The following ARHGAP42 variants were observed in gnomAD, a reference collection of about 807,000 sequenced individuals.
ARHGAP42 encodes rho GTPase-activating protein 42.
Under a neutral mutation model 125.0 loss-of-function variants are expected in ARHGAP42, and 63 were observed. That is an observed-to-expected ratio of 0.50 (90% CI 0.41 to 0.62). The LOEUF is 0.62. Among genes scored for constraint, ARHGAP42 ranks in the 20% least tolerant of loss-of-function variants. The probability of loss-of-function intolerance (pLI) is 0.00; values close to 1 mark genes in which losing one functional copy is unlikely to be tolerated. For missense variants in ARHGAP42, 766 were observed against 1,024.2 expected, an observed-to-expected ratio of 0.75 and a Z score of 3.44; for synonymous variants, 339 against 351.0, an observed-to-expected ratio of 0.97 and a Z score of 0.38.
chr11:100,982,354 T>A (rs1205378775), intron 22 of ARHGAP42, among the ~76,000 whole-genome samples: 1 of 152,172 alleles, frequency 6.6e-6, no homozygotes, highest in African/African-American at 2.4e-5. Context: ...GCCATAGACC[T>A]TATAAACCAC....
chr11:100,971,170 AT>A (rs1195429987), intron 17 of ARHGAP42, among the ~76,000 whole-genome samples: 1 of 151,978 alleles, frequency 6.6e-6, no homozygotes, highest in Non-Finnish European at 1.5e-5. Context: ...TTGAACAAAT[AT>A]TTCTTTATTC....
At chr11:100,958,706 A>G (rs1191967004) in intron 12 of ARHGAP42, among the ~76,000 whole-genome samples, 3 of 151,806 alleles carry the variant, frequency 2.0e-5, no homozygotes, top group Admixed American at 6.6e-5. Flanking sequence ...CATACCCTCA[A>G]ATTTTTACAT....
At chr11:100,863,783 C>T (rs1170754764) in intron 4 of ARHGAP42, among the ~76,000 whole-genome samples, 1 of 152,146 alleles carries the variant, frequency 6.6e-6, no homozygotes, top group Non-Finnish European at 1.5e-5. Flanking sequence ...AGACATATTA[C>T]ATGTGTCAGA....
At chr11:100,848,424 A>G (rs771879561) in intron 3 of ARHGAP42, among the ~76,000 whole-genome samples, 1 of 152,010 alleles carries the variant, frequency 6.6e-6, no homozygotes, top group Non-Finnish European at 1.5e-5. Context: ...CATGGAGATA[A>G]GGAGAGTTTT....
At chr11:100,779,466 A>AT (rs1565210474) in intron 2 of ARHGAP42, among the ~76,000 whole-genome samples, 12 of 58,250 alleles carry the variant, frequency 2.1e-4, no homozygotes, top group South Asian at 1.5e-3. Context: ...AAAAAAAAAA[A>AT]AATATATATA....
Position 100,993,013 on chromosome 11 carries a change from T to G in ARHGAP42, c.*4212T>G, listed in dbSNP as rs1325184259. The G allele has an allele frequency of 1.5e-5, 4 of 269,418 alleles. No individual in the cohort carries two copies. Among genetic ancestry groups the G allele is most frequent in the African/African-American group, 4.5e-5 (2 of 44,620 alleles). 16.7% of individuals were successfully genotyped at this position (269,418 alleles called of 1,614,324 possible). On this transcript the variant is annotated 3_prime_UTR_variant, in exon 24 of 24. Coordinates refer to ENST00000298815, the MANE Select transcript of ARHGAP42 (RefSeq NM_152432.4). The stretch of plus-strand genomic sequence containing the variant: ...AAGAGTCCCAAAAACCAGAGACCAT[T>G]TTCATTTACTGCCATCATAAATATT...
chr11:100,766,408 T>C (rs652516), intron 1 of ARHGAP42, among the ~76,000 whole-genome samples: 2,063 of 152,298 alleles, frequency 0.014, 38 homozygotes, highest in African/African-American at 0.044. Flanking sequence ...TAGTATGATA[T>C]TTTAACACTC....
intron 12 of ARHGAP42, among the ~76,000 whole-genome samples, chr11:100,951,584 T>G (rs7939782): frequency 6.6e-6 from 1 of 151,914 alleles, no homozygotes; most frequent in Non-Finnish European, 1.5e-5. Flanking sequence ...TGAGTAGGGC[T>G]TCTGAATGGT....
chr11:100,854,085 A>G (rs1454174418), intron 3 of ARHGAP42, among the ~76,000 whole-genome samples: 1 of 152,150 alleles, frequency 6.6e-6, no homozygotes, highest in Non-Finnish European at 1.5e-5. Context: ...TATATAGAAA[A>G]GAAAACTTAG....
intron 4 of ARHGAP42, among the ~76,000 whole-genome samples, chr11:100,870,562 T>A (rs576063305): frequency 3.3e-5 from 5 of 152,246 alleles, no homozygotes; most frequent in Non-Finnish European, 7.3e-5. Flanking sequence ...GGGTTTCCAG[T>A]AGTCCTTGAA....
intron 1 of ARHGAP42, among the ~76,000 whole-genome samples, chr11:100,704,680 G>A (rs1239844378): frequency 6.6e-6 from 1 of 151,842 alleles, no homozygotes; most frequent in African/African-American, 2.4e-5. Flanking sequence ...GTCAGGTATG[G>A]TGGCTCGGTG....
At chr11:100,922,164 A>C (rs1459146486) in intron 6 of ARHGAP42, among the ~76,000 whole-genome samples, 1 of 152,216 alleles carries the variant, frequency 6.6e-6, no homozygotes. Context: ...ACAGTGACCC[A>C]TTTAGCAAAT....
At chr11:100,986,072 A>G in intron 22 of ARHGAP42, 3 of 456,696 alleles carry the variant, frequency 6.6e-6, no homozygotes, top group South Asian at 3.1e-5. Flanking sequence ...TCATTCATTT[A>G]GCTAACATTT....
intron 2 of ARHGAP42, among the ~76,000 whole-genome samples, chr11:100,776,675 A>G (rs1863133144): frequency 6.6e-6 from 1 of 152,144 alleles, no homozygotes; most frequent in African/African-American, 2.4e-5. Flanking sequence ...CAACAAGGAT[A>G]GTGCCTAATA....
intron 8 of ARHGAP42, 72 bp downstream of exon 8, chr11:100,936,404 G>A (rs1867739959): frequency 2.0e-6 from 3 of 1,517,150 alleles, no homozygotes. Context: ...TTGGTTAGTA[G>A]TATTTCCTTC....
chr11:100,691,877 G>T (rs1861197294), intron 1 of ARHGAP42, among the ~76,000 whole-genome samples: 2 of 151,966 alleles, frequency 1.3e-5, no homozygotes, highest in South Asian at 4.1e-4. Flanking sequence ...AGTTTATGGG[G>T]TAATGATCAT....
intron 8 of ARHGAP42, 23 bp from the exon 9 acceptor site, chr11:100,941,761 A>AT: frequency 7.0e-7 from 1 of 1,422,460 alleles, no homozygotes; most frequent in Non-Finnish European, 9.4e-7. Context: ...AAAATCTGAA[A>AT]TTTTTTTGTT....
At chr11:100,959,798 C>A (rs1857907351) in intron 12 of ARHGAP42, 85 bp from the exon 13 acceptor site, 1 of 1,271,376 alleles carries the variant, frequency 7.9e-7, no homozygotes, top group South Asian at 1.3e-5. Flanking sequence ...ACTGTTGAGT[C>A]ATAAAGGCCC....
intron 4 of ARHGAP42, among the ~76,000 whole-genome samples, chr11:100,871,694 A>C (rs1290374572): frequency 2.0e-5 from 3 of 152,234 alleles, no homozygotes; most frequent in Non-Finnish European, 4.4e-5. Context: ...AGCTGCCAGG[A>C]TTAGAATCTA....
Sources: allele counts gnomAD v4.1 joint callset (sites outside exome capture counted in the v4.1 genomes callset), GRCh38; gene constraint gnomAD v4.1.1; transcripts MANE v1.5; gene names NCBI Gene and HGNC (gene_info 2026-07-23, HGNC 2026-07-21).